The following TRAK1 variants were observed in gnomAD, a reference collection of about 807,000 sequenced individuals.
The protein encoded by TRAK1 is trafficking kinesin protein 1, also known as trafficking kinesin-binding protein 1.
TRAK1 carries 33 observed loss-of-function variants against 92.1 expected under a neutral mutation model. The observed-to-expected ratio is 0.36, with a 90% CI of 0.27 to 0.48. TRAK1 has a LOEUF of 0.48. Among genes scored for constraint, TRAK1 ranks in the 20% least tolerant of loss-of-function variants. The pLI is 0.99. For missense variants in TRAK1, 1,123 were observed against 1,257.9 expected (o/e 0.89, Z 1.62); for synonymous variants, 521 against 517.3 (o/e 1.01, Z -0.10).
At chr3:42,097,196 A>G (rs982631013) in intron 1 of TRAK1, among the ~76,000 whole-genome samples, 1 of 152,212 alleles carries the variant, frequency 6.6e-6, no homozygotes, top group African/African-American at 2.4e-5. Flanking sequence ...TTGTCTATAA[A>G]TCCCACGATT....
chr3:42,180,248 AT>A (rs1481749696), intron 3 of TRAK1, among the ~76,000 whole-genome samples: 2 of 152,030 alleles, frequency 1.3e-5, no homozygotes, highest in Non-Finnish European at 2.9e-5. Context: ...TTTATTTTCA[AT>A]TTTTTAAGTA....
intron 1 of TRAK1, among the ~76,000 whole-genome samples, chr3:42,124,403 C>T (rs898337740): frequency 6.6e-6 from 1 of 152,196 alleles, no homozygotes; most frequent in Admixed American, 6.5e-5. Flanking sequence ...ACCACTCACC[C>T]ATTAGCACTT....
At chr3:42,138,196 G>T (rs1698191273) in intron 2 of TRAK1, among the ~76,000 whole-genome samples, 1 of 152,116 alleles carries the variant, frequency 6.6e-6, no homozygotes, top group Non-Finnish European at 1.5e-5. Context: ...ATAGACATAT[G>T]CACTTAACTC....
At chr3:42,141,259 T>C (rs532460541) in intron 2 of TRAK1, among the ~76,000 whole-genome samples, 22 of 152,358 alleles carry the variant, frequency 1.4e-4, no homozygotes, top group African/African-American at 4.8e-4. Context: ...TAATTGGATC[T>C]GCCTTAACAT....
chr3:42,209,273 C>T (rs902950015), intron 13 of TRAK1, among the ~76,000 whole-genome samples: 13 of 152,162 alleles, frequency 8.5e-5, no homozygotes, highest in Admixed American at 8.5e-4. Context: ...TTTTCTCTTG[C>T]TGTTGGTCGT....
intron 13 of TRAK1, chr3:42,204,028 TTTA>T (rs997984555): frequency 7.1e-6 from 7 of 985,002 alleles, no homozygotes; most frequent in Admixed American, 1.2e-4. Context: ...CTAGTTTGTT[TTTA>T]TTATTATTTT....
chr3:42,106,311 A>G (rs1707560528), intron 1 of TRAK1, among the ~76,000 whole-genome samples: 1 of 152,220 alleles, frequency 6.6e-6, no homozygotes, highest in Non-Finnish European at 1.5e-5. Flanking sequence ...CTCAAAATAA[A>G]AGGATGGAGG....
chr3:42,022,672 T>C (rs551265267), intron 1 of TRAK1, among the ~76,000 whole-genome samples: 2 of 149,582 alleles, frequency 1.3e-5, no homozygotes, highest in Non-Finnish European at 3.0e-5. Context: ...CAGTGAGCCA[T>C]GATTACACCA....
rs1488906379 is a variant in TRAK1, at chr3:42,222,942, C to G, written c.2067C>G (p.Ser689Arg). ...PSDELTRVTP[S>R]LNSAPTPACG... The stretch of plus-strand genomic sequence containing the variant: ...AATAACCTGTCATTTCTTCTTTCAG[C>G]CTTAACTCAGCCCCAACTCCAGCTT... Residue 689 changes from serine to arginine, a missense_variant and splice_region_variant, in exon 16 of 16, where the codon AGC becomes AGG. Physicochemically the swap from Ser to Arg is moderately radical, Grantham distance 110. Transcript: ENST00000327628. 6.2e-7 allele frequency: 1 copy of G among 1,611,550 alleles called. No individual in the cohort carries two copies. Among genetic ancestry groups the G allele is most frequent in the Non-Finnish European group, 8.5e-7 (1 of 1,178,248 alleles).
chr3:42,070,793 T>G (rs186432667), intron 1 of TRAK1, among the ~76,000 whole-genome samples: 111 of 152,364 alleles, frequency 7.3e-4, no homozygotes, highest in Middle Eastern at 6.8e-3. Context: ...TGGTTCTTTT[T>G]ATGTCCCAAC....
intron 2 of TRAK1, among the ~76,000 whole-genome samples, chr3:42,173,069 C>T (rs1041303333): frequency 2.0e-5 from 3 of 152,022 alleles, no homozygotes; most frequent in African/African-American, 7.3e-5. Context: ...TCGCTTGAAC[C>T]AGGGAGGCCG....
chr3:42,191,407 T>A, intron 6 of TRAK1, 151 bp from the exon 7 acceptor site: 1 of 593,150 alleles, frequency 1.7e-6, no homozygotes, highest in Non-Finnish European at 2.9e-6. Context: ...AGATGGACTT[T>A]CTGTATTTGA....
At chr3:42,053,385 G>A (rs1185470582) in intron 1 of TRAK1, among the ~76,000 whole-genome samples, 1 of 135,946 alleles carries the variant, frequency 7.4e-6, no homozygotes, top group Non-Finnish European at 1.6e-5. Flanking sequence ...TGGGGGGGGG[G>A]GGCGGGGGAT....
chr3:42,198,579 C>T (rs1170138219), intron 10 of TRAK1, among the ~76,000 whole-genome samples: 2 of 152,146 alleles, frequency 1.3e-5, no homozygotes, highest in African/African-American at 2.4e-5. Flanking sequence ...TGACTCACGT[C>T]ACGTCTGTAG....
At chr3:42,120,230 CTGT>C (rs577446003) in intron 1 of TRAK1, among the ~76,000 whole-genome samples, 256 of 152,176 alleles carry the variant, frequency 1.7e-3, no homozygotes, top group African/African-American at 5.8e-3. Flanking sequence ...GGATTTTGGG[CTGT>C]TGTTATTGCA....
chr3:42,082,524 G>A (rs1029722553), upstream of TRAK1, among the ~76,000 whole-genome samples: 1 of 152,150 alleles, frequency 6.6e-6, no homozygotes, highest in African/African-American at 2.4e-5. Context: ...GAACCTAGGA[G>A]GCCAAGGCTT....
At chr3:42,080,969 G>A (rs912149692) in intron 1 of TRAK1, among the ~76,000 whole-genome samples, 4 of 152,008 alleles carry the variant, frequency 2.6e-5, no homozygotes, top group African/African-American at 9.7e-5. Context: ...CAACTTCCTG[G>A]GTTCAGGTGG....
upstream of TRAK1, among the ~76,000 whole-genome samples, chr3:42,086,352 C>G (rs1704676062): frequency 6.8e-6 from 1 of 147,242 alleles, no homozygotes; most frequent in Admixed American, 6.7e-5. Flanking sequence ...GTTGCCCAGA[C>G]TGGAGCCCAG....
At chr3:42,107,796 A>T (rs1001446343) in intron 1 of TRAK1, among the ~76,000 whole-genome samples, 1 of 151,972 alleles carries the variant, frequency 6.6e-6, no homozygotes, top group African/African-American at 2.4e-5. Context: ...GTGGCTTCAC[A>T]TTATAGAATT....
Sources: allele counts gnomAD v4.1 joint callset (sites outside exome capture counted in the v4.1 genomes callset), GRCh38; gene constraint gnomAD v4.1.1; transcripts MANE v1.5; gene names NCBI Gene and HGNC (gene_info 2026-07-23, HGNC 2026-07-21).